The following OSBPL1A variants were observed in gnomAD, a reference collection of about 807,000 sequenced individuals.
OSBPL1A encodes the protein oxysterol-binding protein-related protein 1.
In OSBPL1A, 80 loss-of-function variants were observed where a neutral mutation model predicts 137.1. That is an observed-to-expected ratio of 0.58 (90% confidence interval 0.49 to 0.70). OSBPL1A has a LOEUF of 0.70. Among genes scored for constraint, OSBPL1A ranks in the 30% least tolerant of loss-of-function variants. OSBPL1A has a pLI of 0.00. For synonymous variants in OSBPL1A, 365 were observed against 389.7 expected, an observed-to-expected ratio of 0.94 and a Z score of 0.75; for missense variants, 970 against 1,129.4, an observed-to-expected ratio of 0.86 and a Z score of 2.02.
At chr18:24,396,054 AC>A (rs1907720011) in intron 1 of OSBPL1A, among the ~76,000 whole-genome samples, 2 of 151,670 alleles carry the variant, frequency 1.3e-5, no homozygotes, top group South Asian at 4.2e-4. Context: ...CCTCGTCTCT[AC>A]TAAAAATACA....
At chr18:24,385,283 T>C (rs1412863766) in intron 1 of OSBPL1A, among the ~76,000 whole-genome samples, 3 of 152,118 alleles carry the variant, frequency 2.0e-5, no homozygotes, top group African/African-American at 4.8e-5. Context: ...ACCAGCTACA[T>C]AGGGGGCTGA....
At chr18:24,352,361 C>G (rs527314301) in intron 4 of OSBPL1A, among the ~76,000 whole-genome samples, 3 of 152,018 alleles carry the variant, frequency 2.0e-5, no homozygotes, top group African/African-American at 7.3e-5. Flanking sequence ...GCTTATCTTC[C>G]AGAGATAAGC....
At chr18:24,220,494 T>A (rs763757297) in intron 17 of OSBPL1A, among the ~76,000 whole-genome samples, 1 of 152,206 alleles carries the variant, frequency 6.6e-6, no homozygotes, top group Admixed American at 6.5e-5. Context: ...CAGGCTCCCA[T>A]TGTCTTGGGG....
intron 14 of OSBPL1A, among the ~76,000 whole-genome samples, chr18:24,286,931 T>G (rs1392094074): frequency 6.6e-6 from 1 of 151,934 alleles, no homozygotes; most frequent in Non-Finnish European, 1.5e-5. Flanking sequence ...AAATGGAAAA[T>G]AAAACAATTA....
intron 17 of OSBPL1A, among the ~76,000 whole-genome samples, chr18:24,199,155 G>A (rs2087133184): frequency 1.3e-5 from 2 of 152,102 alleles, no homozygotes; most frequent in Admixed American, 1.3e-4. Context: ...CACCACACCT[G>A]GCCCAGGTGC....
At chr18:24,343,351 C>G (rs1278175298) in intron 4 of OSBPL1A, among the ~76,000 whole-genome samples, 4 of 152,044 alleles carry the variant, frequency 2.6e-5, no homozygotes, top group African/African-American at 9.7e-5. Context: ...GGGAAAACAT[C>G]CAGCGATCAT....
Position 24,215,620 on chromosome 18 carries a change from T to C in OSBPL1A, c.1601+9422A>G, listed in dbSNP as rs574266120. On this transcript the variant is annotated intron_variant, in intron 17 of 27. Transcript: ENST00000319481. ...AAGCAAATAAGGCCAAAGAACTCCG[T>C]GTCCCCTGAGGCGATTTTCTCCTTT... Among the ~76,000 whole-genome samples the C allele has an allele frequency of 7.2e-5, 11 of 152,330 alleles. No homozygotes were observed. In the South Asian group the frequency reaches 1.9e-3, roughly 26 times the overall value.
intron 16 of OSBPL1A, among the ~76,000 whole-genome samples, chr18:24,233,320 C>G (rs1005216912): frequency 6.6e-6 from 1 of 152,126 alleles, no homozygotes; most frequent in African/African-American, 2.4e-5. Context: ...TCCAACTTTA[C>G]TGTAAACCCC....
At chr18:24,263,667 A>G (rs765036705) in intron 15 of OSBPL1A, among the ~76,000 whole-genome samples, 1 of 152,014 alleles carries the variant, frequency 6.6e-6, no homozygotes, top group Non-Finnish European at 1.5e-5. Flanking sequence ...ACGGAGTTGC[A>G]CTCTGTCACC....
chr18:24,354,617 T>C (rs989071040), intron 4 of OSBPL1A, among the ~76,000 whole-genome samples: 2 of 151,640 alleles, frequency 1.3e-5, no homozygotes, highest in African/African-American at 4.8e-5. Context: ...TTCAGTAAAC[T>C]TGAAGACAGG....
Position 24,366,930 on chromosome 18 carries a change from C to T in OSBPL1A, c.244G>A (p.Asp82Asn). The change falls in exon 4 of 28, where the codon GAC becomes AAC. Residue 82 changes from aspartate to asparagine, a missense_variant. Asp to Asn is a conservative substitution (Grantham distance 23). This residue lies in a region of OSBPL1A where 647 missense variants were observed against 672.6 expected (regional missense o/e 0.96). Coordinates refer to ENST00000319481, the MANE Select transcript of OSBPL1A (RefSeq NM_080597.4). ...AEVNVLNDMG[D>N]TPLHRAAFTG... ...AAGGCAGCTCGATGAAGCGGCGTGT[C>T]TCCCATGTCATTCAACACATTCACT... The T allele has an allele frequency of 6.2e-7, 1 of 1,612,362 alleles. No homozygotes were observed.
intron 14 of OSBPL1A, among the ~76,000 whole-genome samples, chr18:24,297,832 T>C (rs2090320681): frequency 6.6e-6 from 1 of 152,206 alleles, no homozygotes; most frequent in South Asian, 2.1e-4. Context: ...TTGGAGAAGT[T>C]CCACGTGCTA....
intron 7 of OSBPL1A, 44 bp downstream of exon 7, chr18:24,332,898 A>T (rs776368891): frequency 1.9e-6 from 3 of 1,600,512 alleles, no homozygotes; most frequent in East Asian, 2.2e-5. Flanking sequence ...ACTTCATTTT[A>T]TAATTTCAAA....
chr18:24,260,538 G>A (rs2089419013), intron 15 of OSBPL1A, among the ~76,000 whole-genome samples: 1 of 152,162 alleles, frequency 6.6e-6, no homozygotes, highest in Non-Finnish European at 1.5e-5. Flanking sequence ...AAGGGAGAAA[G>A]CCAGACACAG....
chr18:24,206,497 T>A (rs573223301), intron 17 of OSBPL1A, among the ~76,000 whole-genome samples: 1 of 152,338 alleles, frequency 6.6e-6, no homozygotes, highest in South Asian at 2.1e-4. Context: ...TTCCGTCCAA[T>A]TAACATTTTT....
In OSBPL1A at chr18:24,271,918, G is replaced by C; in HGVS notation, c.1281+8924C>G. The stretch of plus-strand genomic sequence containing the variant: ...GCCCGCCCGGGCCGCAGAGGTCTGC[G>C]CTGCCCCTCCGCCGCCGCTGGCTCG... On this transcript the variant is annotated intron_variant, in intron 15 of 27. Transcript: ENST00000319481. The surrounding 1 kb of genome is among the most constrained non-coding windows in gnomAD (Gnocchi z 4.0). 1.0e-6 allele frequency: 1 copy of C among 983,952 alleles called. No individual in the cohort carries two copies. The highest frequency in any genetic ancestry group is 1.2e-6 in the Non-Finnish European group (1 of 829,514). 61.0% of individuals were successfully genotyped at this position (983,952 alleles called of 1,614,324 possible).
intron 4 of OSBPL1A, among the ~76,000 whole-genome samples, chr18:24,349,741 AAC>A (rs199671736): frequency 0.016 from 1,965 of 122,806 alleles, 58 homozygotes; most frequent in African/African-American, 0.049. Flanking sequence ...AAAAAAAAAA[AAC>A]AACAACAGTG....
chr18:24,370,590 C>T (rs896404619), intron 2 of OSBPL1A, among the ~76,000 whole-genome samples: 2 of 152,154 alleles, frequency 1.3e-5, no homozygotes, highest in Non-Finnish European at 2.9e-5. Flanking sequence ...AGCCACTTTC[C>T]CAAGCACTCC....
At chr18:24,333,928 T>C (rs1033310058) in intron 6 of OSBPL1A, among the ~76,000 whole-genome samples, 1 of 152,186 alleles carries the variant, frequency 6.6e-6, no homozygotes, top group African/African-American at 2.4e-5. Flanking sequence ...AAAATATATG[T>C]AATATATATA....
Sources: allele counts gnomAD v4.1 joint callset (sites outside exome capture counted in the v4.1 genomes callset), GRCh38; gene constraint gnomAD v4.1.1; regional missense constraint gnomAD v4.1.1; non-coding constraint Gnocchi (gnomAD v3.1); transcripts MANE v1.5; gene names NCBI Gene and HGNC (gene_info 2026-07-23, HGNC 2026-07-21).